PRKCH: variants seen among roughly 807,000 people sequenced by gnomAD.
The protein encoded by PRKCH is protein kinase C eta, also known as protein kinase C eta type.
Under a neutral mutation model 82.5 loss-of-function variants are expected in PRKCH, and 28 were observed. The ratio of observed to expected loss-of-function variants is 0.34; its 90% CI spans 0.25 to 0.47. The LOEUF (loss-of-function observed/expected upper bound fraction) is 0.47. Among genes scored for constraint, PRKCH ranks in the 20% least tolerant of loss-of-function variants. PRKCH has a pLI of 1.00. For synonymous variants in PRKCH, 322 were observed against 327.4 expected (o/e 0.98, Z 0.18); for missense variants, 705 against 881.8 (o/e 0.80, Z 2.54).
At chr14:61,360,117 C>G (rs1009921139) in intron 1 of PRKCH, among the ~76,000 whole-genome samples, 5 of 152,214 alleles carry the variant, frequency 3.3e-5, no homozygotes, top group African/African-American at 1.2e-4. Context: ...GTTATATTGT[C>G]TGTCTGGAAA....
At chr14:61,515,747 C>T (rs577792293) in intron 10 of PRKCH, among the ~76,000 whole-genome samples, 1 of 152,156 alleles carries the variant, frequency 6.6e-6, no homozygotes, top group Non-Finnish European at 1.5e-5. Context: ...GCCCAAAATG[C>T]AAAAGCTTAC....
At chr14:61,505,395 C>CTTTTCTTTTTTTTTTT (rs762878496) in intron 10 of PRKCH, among the ~76,000 whole-genome samples, 3 of 55,766 alleles carry the variant, frequency 5.4e-5, no homozygotes, top group East Asian at 7.8e-4. Context: ...CTTTTCTTTT[C>CTTTTCTTTTTTTTTTT]TTTTTTTTTT....
At chr14:61,397,287 G>A (rs1257963512) in intron 2 of PRKCH, among the ~76,000 whole-genome samples, 1 of 152,192 alleles carries the variant, frequency 6.6e-6, no homozygotes, top group African/African-American at 2.4e-5. Context: ...CATTTACCAG[G>A]GTAGAAACTG....
chr14:61,268,213 G>A (rs1182459660), intron 1 of PRKCH, among the ~76,000 whole-genome samples: 1 of 152,162 alleles, frequency 6.6e-6, no homozygotes, highest in Non-Finnish European at 1.5e-5. Flanking sequence ...ATTGTAACAT[G>A]CCATGGATTG....
At chr14:61,198,199 C>A (rs941950582) in intron 1 of PRKCH, among the ~76,000 whole-genome samples, 1 of 152,184 alleles carries the variant, frequency 6.6e-6, no homozygotes, top group Admixed American at 6.5e-5. Context: ...TTTATTTTCT[C>A]TGCATTAGCC....
rs555506315 is a variant in PRKCH at position 61,314,663 on chromosome 14, C to T, written c.-19+126995C>T. 1.4e-4 allele frequency among the ~76,000 whole-genome samples: 21 copies of T among 152,308 alleles called. No individual in the cohort carries two copies. The East Asian group carries it at 3.1e-3, about 22-fold the overall frequency. On this transcript the variant is annotated intron_variant, in intron 1 of 3. Coordinates refer to the PRKCH transcript ENST00000555185. The stretch of plus-strand genomic sequence containing the variant: ...GTGGACTTTTGAGGCAAATAGTCAT[C>T]GAAGGCTCTTCTTTTGGGGAAACCT...
chr14:61,520,074 C>CAAAAAAAAAAAAAAAAAAA (rs71992585), intron 10 of PRKCH, among the ~76,000 whole-genome samples: 1 of 97,428 alleles, frequency 1.0e-5, no homozygotes, highest in Non-Finnish European at 2.4e-5. Flanking sequence ...CTACAGAAAC[C>CAAAAAAAAAAAAAAAAAAA]AAAAAAAAAA....
At chr14:61,468,573 T>C (rs1294303141) in intron 9 of PRKCH, among the ~76,000 whole-genome samples, 1 of 152,226 alleles carries the variant, frequency 6.6e-6, no homozygotes, top group African/African-American at 2.4e-5. Context: ...CAAAAATGAA[T>C]AGGAATAAGA....
intron 1 of PRKCH, among the ~76,000 whole-genome samples, chr14:61,247,735 C>CAAAA (rs202153655): frequency 2.8e-3 from 147 of 52,488 alleles, no homozygotes; most frequent in East Asian, 4.5e-3. Flanking sequence ...GACTCCATCT[C>CAAAA]AAAAAAAAAA....
intron 1 of PRKCH, among the ~76,000 whole-genome samples, chr14:61,375,218 C>G (rs2046413876): frequency 6.6e-6 from 1 of 152,060 alleles, no homozygotes; most frequent in Admixed American, 6.5e-5. Flanking sequence ...CAGTAAGTTC[C>G]TCAGTCTCCA....
intron 1 of PRKCH, among the ~76,000 whole-genome samples, chr14:61,390,445 A>AG (rs1409040947): frequency 6.6e-6 from 1 of 152,106 alleles, no homozygotes; most frequent in Non-Finnish European, 1.5e-5. Flanking sequence ...CTGAGGCGGG[A>AG]GGATCATTTG....
chr14:61,357,731 A>G (rs965622405), intron 1 of PRKCH, among the ~76,000 whole-genome samples: 4 of 152,336 alleles, frequency 2.6e-5, no homozygotes, highest in Admixed American at 2.0e-4. Context: ...TAGCTTCTGC[A>G]ACCGTCCATG....
At chr14:61,233,122 G>A (rs1469454311) in intron 1 of PRKCH, among the ~76,000 whole-genome samples, 1 of 152,176 alleles carries the variant, frequency 6.6e-6, no homozygotes, top group Non-Finnish European at 1.5e-5. Context: ...GTATGAATAT[G>A]TCTCCCAGAG....
intron 10 of PRKCH, among the ~76,000 whole-genome samples, chr14:61,514,200 C>T (rs1005736477): frequency 6.6e-6 from 1 of 151,946 alleles, no homozygotes; most frequent in South Asian, 2.1e-4. Flanking sequence ...TGCTCACGGA[C>T]CCTGTCTTAA....
At chr14:61,327,020 C>CTTAA in intron 1 of PRKCH, 1 of 455,742 alleles carries the variant, frequency 2.2e-6, no homozygotes, top group South Asian at 1.5e-5. Flanking sequence ...CATGGGGAGG[C>CTTAA]AGGAGGAGCT....
At chr14:61,498,454 G>T (rs895165387) in intron 10 of PRKCH, among the ~76,000 whole-genome samples, 2 of 152,220 alleles carry the variant, frequency 1.3e-5, no homozygotes, top group African/African-American at 4.8e-5. Context: ...GTGAAACCCA[G>T]TTCTACAGAA....
At chr14:61,407,492 C>T (rs975270336) in intron 2 of PRKCH, among the ~76,000 whole-genome samples, 1 of 152,122 alleles carries the variant, frequency 6.6e-6, no homozygotes, top group African/African-American at 2.4e-5. Flanking sequence ...CTTAAACATA[C>T]TAAGGAATGG....
Position 61,391,292 on chromosome 14 carries a change from A to G in PRKCH, c.427+4A>G. On this transcript the variant is annotated splice_donor_region_variant and intron_variant, in intron 2 of 13. Transcript: ENST00000332981. ...CTTACCGGGAGTTTCACTGAAGGTAAGAATGAGTTTTGGGTAGTTTCCAGA... is the reference window on the plus strand; with the variant it reads ...CTTACCGGGAGTTTCACTGAAGGTAGGAATGAGTTTTGGGTAGTTTCCAGA... The G allele has an allele frequency of 6.2e-7, 1 of 1,606,928 alleles. No individual in the cohort carries two copies. Among genetic ancestry groups the G allele is most frequent in the Non-Finnish European group, 8.5e-7 (1 of 1,176,226 alleles).
intron 1 of PRKCH, among the ~76,000 whole-genome samples, chr14:61,213,066 C>T (rs1204375262): frequency 6.6e-6 from 1 of 152,126 alleles, no homozygotes; most frequent in Non-Finnish European, 1.5e-5. Flanking sequence ...GAGAAAAACA[C>T]AGGGACAGGC....
Sources: allele counts gnomAD v4.1 joint callset (sites outside exome capture counted in the v4.1 genomes callset), GRCh38; gene constraint gnomAD v4.1.1; transcripts MANE v1.5; gene names NCBI Gene and HGNC (gene_info 2026-07-23, HGNC 2026-07-21).